EPHA7: variants seen among roughly 807,000 people sequenced by gnomAD.
The protein encoded by EPHA7 is EPH receptor A7, also known as ephrin type-A receptor 7.
EPHA7 carries 25 observed loss-of-function variants against 112.6 expected under a neutral mutation model. The observed-to-expected ratio is 0.22, with a 90% CI of 0.16 to 0.31. The LOEUF (loss-of-function observed/expected upper bound fraction) is 0.31. Ranked by LOEUF, EPHA7 falls within the 10% of genes least tolerant of loss-of-function variation. The probability of loss-of-function intolerance (pLI) is 1.00; values close to 1 mark genes in which losing one functional copy is unlikely to be tolerated. For missense variants in EPHA7, 962 were observed against 1,212.6 expected, an observed-to-expected ratio of 0.79 and a Z score of 3.07; for synonymous variants, 437 against 406.5, an observed-to-expected ratio of 1.07 and a Z score of -0.90.
chr6:93,304,455 A>T (rs1299717822), intron 5 of EPHA7, among the ~76,000 whole-genome samples: 1 of 152,042 alleles, frequency 6.6e-6, no homozygotes, highest in African/African-American at 2.4e-5. Flanking sequence ...AACCAAATCA[A>T]TAATTCTCTA....
At chr6:93,310,739 C>A (rs1174107685) in intron 5 of EPHA7, among the ~76,000 whole-genome samples, 1 of 151,932 alleles carries the variant, frequency 6.6e-6, no homozygotes, top group African/African-American at 2.4e-5. Context: ...TATCTAAAAT[C>A]TTCATTAAAA....
chr6:93,349,731 T>C (rs1285040182), intron 5 of EPHA7, among the ~76,000 whole-genome samples: 1 of 151,908 alleles, frequency 6.6e-6, no homozygotes, highest in Admixed American at 6.6e-5. Flanking sequence ...CAATCTTATA[T>C]ATTCCTAACA....
intron 3 of EPHA7, among the ~76,000 whole-genome samples, chr6:93,378,859 A>G (rs191585484): frequency 8.5e-5 from 13 of 152,196 alleles, no homozygotes; most frequent in Admixed American, 3.9e-4. Flanking sequence ...TAGATTCTGG[A>G]TTCTGCTTCT....
intron 5 of EPHA7, among the ~76,000 whole-genome samples, chr6:93,294,370 T>C (rs929851956): frequency 2.0e-5 from 3 of 152,150 alleles, no homozygotes; most frequent in African/African-American, 7.2e-5. Context: ...TAAATTTAAG[T>C]CCCATGACTA....
intron 3 of EPHA7, among the ~76,000 whole-genome samples, chr6:93,395,622 T>G (rs1246279507): frequency 6.7e-6 from 1 of 149,382 alleles, no homozygotes; most frequent in Non-Finnish European, 1.5e-5. Context: ...CATCTGTCCG[T>G]CACTCACTTT....
At chr6:93,406,486 C>T (rs1778728554) in intron 3 of EPHA7, among the ~76,000 whole-genome samples, 1 of 151,744 alleles carries the variant, frequency 6.6e-6, no homozygotes, top group African/African-American at 2.4e-5. Context: ...AAGTCCAGAA[C>T]AAATTTTAGA....
chr6:93,270,716 C>T (rs78113650), intron 6 of EPHA7, among the ~76,000 whole-genome samples: 1 of 151,738 alleles, frequency 6.6e-6, no homozygotes, highest in African/African-American at 2.4e-5. Context: ...AAGCTTGATT[C>T]ACTCAAACTG....
At chr6:93,383,295 T>TA (rs1554188443) in intron 3 of EPHA7, among the ~76,000 whole-genome samples, 1 of 147,218 alleles carries the variant, frequency 6.8e-6, no homozygotes, top group Non-Finnish European at 1.5e-5. Flanking sequence ...TGTGTGTGTG[T>TA]ACAATGACTT....
In EPHA7 at chr6:93,242,650, C is replaced by T. The variant is rs949715382; in HGVS notation, c.*776G>A. 1.8e-5 allele frequency: 4 copies of T among 219,666 alleles called. No homozygotes were observed. Among genetic ancestry groups the T allele is most frequent in the Non-Finnish European group, 3.7e-5 (4 of 109,348 alleles). 13.6% of individuals were successfully genotyped at this position (219,666 alleles called of 1,614,324 possible). On this transcript the variant is annotated 3_prime_UTR_variant, in exon 17 of 17. Transcript: ENST00000369303. ...CTCTATAAACAATCTGTTAAAAGTG[C>T]CTTATAGTATGTATGGATCATTATT...
chr6:93,299,587 G>C (rs1244825288), intron 5 of EPHA7, among the ~76,000 whole-genome samples: 1 of 152,098 alleles, frequency 6.6e-6, no homozygotes, highest in Non-Finnish European at 1.5e-5. Context: ...ATTCCTCAAA[G>C]AGCTAAAAAC....
intron 6 of EPHA7, among the ~76,000 whole-genome samples, chr6:93,271,280 C>T (rs1195703142): frequency 6.6e-6 from 1 of 150,672 alleles, no homozygotes; most frequent in Non-Finnish European, 1.5e-5. Flanking sequence ...ACTAATTTTT[C>T]TTTAAAAAAA....
intron 3 of EPHA7, among the ~76,000 whole-genome samples, chr6:93,379,055 A>G (rs966729140): frequency 4.6e-5 from 7 of 152,176 alleles, no homozygotes; most frequent in African/African-American, 9.6e-5. Flanking sequence ...AAAATTATAA[A>G]CAAGTATTTA....
At chr6:93,334,657 C>A (rs1464146137) in intron 5 of EPHA7, among the ~76,000 whole-genome samples, 1 of 151,978 alleles carries the variant, frequency 6.6e-6, no homozygotes. Context: ...TCCAAAGAAG[C>A]ACATTAAGGT....
Position 93,255,817 on chromosome 6 carries a change from CT to C in EPHA7, c.2382+10del. On this transcript the variant is annotated intron_variant, in intron 13 of 16. Coordinates refer to ENST00000369303, the MANE Select transcript of EPHA7 (RefSeq NM_004440.4). Reference sequence around the variant, plus strand: ...GAATATGAAGAAGTGCAGTAAATGACTTTTTCTTACAGTAGTTGTATAGACA... The same window carrying C: ...GAATATGAAGAAGTGCAGTAAATGACTTTTCTTACAGTAGTTGTATAGACA... 5 of 1,609,296 alleles carry C rather than the reference CT, an allele frequency of 3.1e-6. No homozygotes were observed. The highest frequency in any genetic ancestry group is 4.3e-6 in the Non-Finnish European group (5 of 1,175,980).
At position 93,413,603 on chromosome 6, in the gene EPHA7, G is replaced by A. The variant is rs555848794; in HGVS notation, c.162+1100C>T. On this transcript the variant is annotated intron_variant, in intron 2 of 16. Transcript: ENST00000369303. ...TGTTATATTCATACCTCCAACTCAT[G>A]GAATTTTTATATTTAATCTGTAAAA... Among the ~76,000 whole-genome samples the A allele has an allele frequency of 3.3e-5, 5 of 151,880 alleles. No homozygotes were observed. In the South Asian group the frequency reaches 1.0e-3, roughly 32 times the overall value.
chr6:93,311,704 T>C (rs894861790), intron 5 of EPHA7, among the ~76,000 whole-genome samples: 4 of 152,184 alleles, frequency 2.6e-5, no homozygotes, highest in Non-Finnish European at 4.4e-5. Flanking sequence ...GCATACGGAA[T>C]GGTGAATCCT....
intron 5 of EPHA7, among the ~76,000 whole-genome samples, chr6:93,329,915 C>T (rs745333889): frequency 6.6e-6 from 1 of 150,946 alleles, no homozygotes; most frequent in Non-Finnish European, 1.5e-5. Context: ...AACAAGAATA[C>T]TAATTAATTA....
chr6:93,342,254 T>G (rs1353702326), intron 5 of EPHA7, among the ~76,000 whole-genome samples: 1 of 151,838 alleles, frequency 6.6e-6, no homozygotes, highest in African/African-American at 2.4e-5. Context: ...ATTGCAGGTG[T>G]GGAATTCACT....
At chr6:93,399,994 A>G (rs979476708) in intron 3 of EPHA7, among the ~76,000 whole-genome samples, 5 of 152,098 alleles carry the variant, frequency 3.3e-5, no homozygotes, top group Non-Finnish European at 2.9e-5. Context: ...GCCCTAAAGG[A>G]GTACAAGAAT....
Sources: gnomAD v4.1 joint callset for allele counts (sites outside exome capture counted in the v4.1 genomes callset) on GRCh38, gnomAD v4.1.1 for gene constraint, MANE v1.5 for transcripts, NCBI Gene and HGNC (gene_info 2026-07-23, HGNC 2026-07-21) for gene names.